The following CCDC148 variants were observed in gnomAD, a reference collection of about 807,000 sequenced individuals.
CCDC148 encodes coiled-coil domain-containing protein 148.
A neutral mutation model predicts 85.7 loss-of-function variants in CCDC148; 89 were observed. That is an observed-to-expected ratio of 1.04 (90% confidence interval 0.87 to 1.24). The LOEUF (loss-of-function observed/expected upper bound fraction) is 1.24. Ranked by LOEUF, CCDC148 falls within the 50% of genes most tolerant of loss-of-function variation. CCDC148 has a pLI of 0.00. For synonymous variants in CCDC148, 230 were observed against 213.9 expected (o/e 1.08, Z -0.66); for missense variants, 692 against 671.7 (o/e 1.03, Z -0.33).
intron 7 of CCDC148, among the ~76,000 whole-genome samples, chr2:158,326,429 T>A (rs1222170460): frequency 6.6e-6 from 1 of 152,214 alleles, no homozygotes; most frequent in Non-Finnish European, 1.5e-5. Context: ...ATGTATTATG[T>A]TTATGGTTTT....
At chr2:158,197,604 A>G (rs1685741272) in intron 11 of CCDC148, among the ~76,000 whole-genome samples, 2 of 152,204 alleles carry the variant, frequency 1.3e-5, no homozygotes, top group South Asian at 2.1e-4. Flanking sequence ...GCTGGAGAGC[A>G]TAAGAGAGCC....
At chr2:158,317,097 A>G (rs931061152) in intron 7 of CCDC148, among the ~76,000 whole-genome samples, 12 of 152,326 alleles carry the variant, frequency 7.9e-5, no homozygotes, top group Non-Finnish European at 7.3e-5. Flanking sequence ...CAGACAGTGA[A>G]AAATATTCTC....
At chr2:158,210,109 G>A (rs1686480182) in intron 11 of CCDC148, among the ~76,000 whole-genome samples, 1 of 152,134 alleles carries the variant, frequency 6.6e-6, no homozygotes. Flanking sequence ...ATAAAGGGAT[G>A]GAGGAATATT....
At chr2:158,176,291 G>T (rs1462804120) in intron 13 of CCDC148, among the ~76,000 whole-genome samples, 1 of 151,874 alleles carries the variant, frequency 6.6e-6, no homozygotes. Context: ...TTCAATGACA[G>T]ATTTATAACA....
At chr2:158,200,181 T>C (rs1390682416) in intron 11 of CCDC148, among the ~76,000 whole-genome samples, 2 of 152,162 alleles carry the variant, frequency 1.3e-5, no homozygotes, top group Non-Finnish European at 2.9e-5. Flanking sequence ...CTGAAATTGG[T>C]TTTTACATCT....
chr2:158,275,259 T>C (rs1206699635), intron 9 of CCDC148, among the ~76,000 whole-genome samples: 1 of 152,224 alleles, frequency 6.6e-6, no homozygotes, highest in Non-Finnish European at 1.5e-5. Flanking sequence ...TGACTCAATG[T>C]CCTTACCTGT....
chr2:158,227,495 C>T (rs1687610054), intron 10 of CCDC148, among the ~76,000 whole-genome samples: 1 of 151,996 alleles, frequency 6.6e-6, no homozygotes, highest in African/African-American at 2.4e-5. Context: ...GCCCGCATTG[C>T]CAAGTCAATC....
chr2:158,321,977 T>C (rs1243019827), intron 7 of CCDC148, among the ~76,000 whole-genome samples: 3 of 152,150 alleles, frequency 2.0e-5, no homozygotes, highest in African/African-American at 7.2e-5. Context: ...CTGATGATAT[T>C]CACACATGAC....
chr2:158,270,037 G>A (rs1459069300), intron 9 of CCDC148, among the ~76,000 whole-genome samples: 2 of 152,146 alleles, frequency 1.3e-5, no homozygotes, highest in African/African-American at 2.4e-5. Flanking sequence ...ATGTCTTCAA[G>A]CATGAGATAT....
chr2:158,281,925 C>T lies in CCDC148; in HGVS notation c.1110+27508G>A, dbSNP rs540894881. On this transcript the variant is annotated intron_variant, in intron 9 of 13. Coordinates refer to ENST00000283233, the MANE Select transcript of CCDC148 (RefSeq NM_138803.4). The stretch of plus-strand genomic sequence containing the variant: ...CCAGCAGCACATGAAAAAGCTTATC[C>T]ACCATGATCAAGTGGGCTTCATCCC... Among the ~76,000 whole-genome samples, 45 of 151,898 alleles carry T rather than the reference C, an allele frequency of 3.0e-4. No individual in the cohort carries two copies. The East Asian group carries it at 7.9e-3, about 27-fold the overall frequency.
chr2:158,351,637 C>G (rs903629294), intron 2 of CCDC148, among the ~76,000 whole-genome samples: 1 of 152,132 alleles, frequency 6.6e-6, no homozygotes, highest in African/African-American at 2.4e-5. Flanking sequence ...AAGGCGGCAG[C>G]GAGGCTGGGG....
At position 158,418,562 on chromosome 2, in the gene CCDC148, G is replaced by A. The variant is rs957328803; in HGVS notation, c.25+37853C>T. ...TTTGTTTGGGAAGTAGTTCCCAAATGGCTAGTTCCTTCTCATAGTTCAGGT... is the reference window on the plus strand; with the variant it reads ...TTTGTTTGGGAAGTAGTTCCCAAATAGCTAGTTCCTTCTCATAGTTCAGGT... On this transcript the variant is annotated intron_variant, in intron 1 of 13. Coordinates refer to ENST00000283233, the MANE Select transcript of CCDC148 (RefSeq NM_138803.4). 2.0e-5 allele frequency among the ~76,000 whole-genome samples: 3 copies of A among 152,186 alleles called. No individual in the cohort carries two copies. In the East Asian group the frequency reaches 5.8e-4, roughly 29 times the overall value.
intron 7 of CCDC148, among the ~76,000 whole-genome samples, chr2:158,328,807 G>A (rs1473415897): frequency 6.6e-6 from 1 of 152,184 alleles, no homozygotes; most frequent in Non-Finnish European, 1.5e-5. Context: ...CTGCATAAAT[G>A]TCTTCTTTTG....
chr2:158,360,373 C>G (rs921456424), intron 1 of CCDC148, among the ~76,000 whole-genome samples: 12 of 152,174 alleles, frequency 7.9e-5, no homozygotes, highest in African/African-American at 2.9e-4. Flanking sequence ...TGTCTCCTGA[C>G]TGGGAGACAC....
intron 1 of CCDC148, among the ~76,000 whole-genome samples, chr2:158,425,907 T>A (rs1687055664): frequency 6.6e-6 from 1 of 152,194 alleles, no homozygotes; most frequent in Admixed American, 6.5e-5. Flanking sequence ...ATGTGTCCTC[T>A]GGATTGTAAC....
In CCDC148 at chr2:158,433,997, G is replaced by A. The variant is rs528182780; in HGVS notation, c.25+22418C>T. Among the ~76,000 whole-genome samples, 7 of 152,246 alleles carry A rather than the reference G, an allele frequency of 4.6e-5. No homozygotes were observed. In the South Asian group the frequency reaches 1.0e-3, roughly 23 times the overall value. ...AAGCTCCAATTGGGTGAAGCCCACC[G>A]CAGATCAAGGAGGCCTGCCTGCCTC... On this transcript the variant is annotated intron_variant, in intron 1 of 13. Coordinates refer to ENST00000283233, the MANE Select transcript of CCDC148 (RefSeq NM_138803.4).
At chr2:158,293,337 G>T (rs553646076) in intron 9 of CCDC148, among the ~76,000 whole-genome samples, 1 of 152,298 alleles carries the variant, frequency 6.6e-6, no homozygotes, top group South Asian at 2.1e-4. Flanking sequence ...ACACTTGTCT[G>T]CACACTAGGT....
chr2:158,257,522 A>T (rs1007836249), intron 9 of CCDC148, among the ~76,000 whole-genome samples: 2 of 151,718 alleles, frequency 1.3e-5, no homozygotes, highest in Admixed American at 6.6e-5. Context: ...AGTACCTGTG[A>T]TTTTGGATGT....
chr2:158,424,107 A>G (rs1305930109), intron 1 of CCDC148, among the ~76,000 whole-genome samples: 2 of 152,232 alleles, frequency 1.3e-5, no homozygotes, highest in Non-Finnish European at 2.9e-5. Flanking sequence ...GAACACTTTT[A>G]TACTGTTGGT....
Sources: allele counts gnomAD v4.1 joint callset (sites outside exome capture counted in the v4.1 genomes callset), GRCh38; gene constraint gnomAD v4.1.1; transcripts MANE v1.5; gene names NCBI Gene and HGNC (gene_info 2026-07-23, HGNC 2026-07-21).